Variants in SOX6 observed in about 807,000 individuals in gnomAD.
SOX6 encodes the protein transcription factor SOX-6.
A neutral mutation model predicts 97.8 loss-of-function variants in SOX6; 11 were observed. The ratio of observed to expected loss-of-function variants is 0.11; its 90% confidence interval spans 0.07 to 0.19. SOX6 has a LOEUF of 0.19. Ranked by LOEUF, SOX6 falls within the 10% of genes least tolerant of loss-of-function variation. The pLI is 1.00. For synonymous variants in SOX6, 360 were observed against 371.4 expected, an observed-to-expected ratio of 0.97 and a Z score of 0.35; for missense variants, 810 against 1,039.5, an observed-to-expected ratio of 0.78 and a Z score of 3.04.
chr11:16,545,348 A>G (rs1450292148), intron 4 of SOX6, among the ~76,000 whole-genome samples: 1 of 151,278 alleles, frequency 6.6e-6, no homozygotes, highest in Non-Finnish European at 1.5e-5. Context: ...CAAGCCCAAA[A>G]AAAAAAAAAA....
At chr11:16,430,788 C>T (rs554550589) in intron 1 of SOX6, among the ~76,000 whole-genome samples, 6 of 152,184 alleles carry the variant, frequency 3.9e-5, no homozygotes, top group Non-Finnish European at 7.4e-5. Flanking sequence ...AGTCTCCCTG[C>T]TATAGTCTAT....
intron 3 of SOX6, among the ~76,000 whole-genome samples, chr11:16,649,121 T>C (rs1849055671): frequency 6.6e-6 from 1 of 152,146 alleles, no homozygotes. Context: ...TTTGGGATTA[T>C]CTTAAATGAC....
chr11:16,018,553 C>T (rs1341995120), intron 12 of SOX6, among the ~76,000 whole-genome samples: 2 of 151,966 alleles, frequency 1.3e-5, no homozygotes, highest in African/African-American at 2.4e-5. Flanking sequence ...CTTTTCTTTG[C>T]ACTTAGATAA....
intron 15 of SOX6, among the ~76,000 whole-genome samples, chr11:15,975,423 G>T (rs1404694631): frequency 3.9e-5 from 6 of 152,122 alleles, no homozygotes; most frequent in Non-Finnish European, 5.9e-5. Flanking sequence ...CCATTTTACA[G>T]ATTTCCCAAT....
intron 3 of SOX6, among the ~76,000 whole-genome samples, chr11:16,241,675 A>C (rs1274261271): frequency 6.6e-6 from 1 of 151,898 alleles, no homozygotes. Flanking sequence ...CCCTTGCCAC[A>C]CAAAGACAAA....
chr11:16,311,326 G>A (rs1232507806), intron 3 of SOX6: 2 of 152,086 alleles, frequency 1.3e-5, no homozygotes, highest in Admixed American at 6.6e-5. Context: ...AATTACAGAA[G>A]CTAAATATTG....
intron 12 of SOX6, among the ~76,000 whole-genome samples, chr11:16,044,011 C>T (rs1165212543): frequency 2.6e-5 from 4 of 152,106 alleles, no homozygotes; most frequent in Non-Finnish European, 5.9e-5. Flanking sequence ...TGAGACTGCA[C>T]CAGAGTACAA....
chr11:16,580,864 A>G (rs1380446531), intron 4 of SOX6, among the ~76,000 whole-genome samples: 1 of 152,246 alleles, frequency 6.6e-6, no homozygotes. Context: ...GTCACTGATC[A>G]TTAGAGAAAT....
At chr11:16,548,862 T>A (rs1253826060) in intron 4 of SOX6, among the ~76,000 whole-genome samples, 3 of 152,112 alleles carry the variant, frequency 2.0e-5, no homozygotes, top group African/African-American at 7.2e-5. Flanking sequence ...TAAATTTATT[T>A]TGTATGTGAG....
At chr11:16,473,309 T>G (rs1034304687) in intron 1 of SOX6, among the ~76,000 whole-genome samples, 2 of 152,210 alleles carry the variant, frequency 1.3e-5, no homozygotes, top group African/African-American at 2.4e-5. Flanking sequence ...GGTTTCCCAG[T>G]GCATATAAGT....
intron 4 of SOX6, among the ~76,000 whole-genome samples, chr11:16,601,563 A>G (rs534583411): frequency 1.2e-4 from 19 of 152,332 alleles, no homozygotes; most frequent in African/African-American, 3.6e-4. Flanking sequence ...GCTTTCAAAC[A>G]TGGAAAGAGA....
chr11:16,451,466 C>T (rs76065236), intron 1 of SOX6, among the ~76,000 whole-genome samples: 3,742 of 152,166 alleles, frequency 0.025, 135 homozygotes, highest in African/African-American at 0.078. Flanking sequence ...AGAGCACATG[C>T]TAGTAAACAC....
intron 1 of SOX6, among the ~76,000 whole-genome samples, chr11:16,435,205 A>G (rs1859352422): frequency 6.6e-6 from 1 of 152,194 alleles, no homozygotes; most frequent in Non-Finnish European, 1.5e-5. Flanking sequence ...ATGTATATTT[A>G]TTTCTGTGTT....
chr11:16,179,997 T>C (rs1243116389), intron 6 of SOX6, among the ~76,000 whole-genome samples: 11 of 151,760 alleles, frequency 7.2e-5, no homozygotes, highest in Non-Finnish European at 1.6e-4. Flanking sequence ...CAAAATTCCA[T>C]CGTTAAATGT....
chr11:16,101,053 T>C (rs1033086910), intron 7 of SOX6, among the ~76,000 whole-genome samples: 3 of 151,720 alleles, frequency 2.0e-5, no homozygotes, highest in Admixed American at 6.6e-5. Flanking sequence ...GCCAGCATCA[T>C]AAAATGATAA....
At chr11:16,509,500 C>T (rs552527967) in intron 4 of SOX6, among the ~76,000 whole-genome samples, 1 of 151,984 alleles carries the variant, frequency 6.6e-6, no homozygotes, top group East Asian at 1.9e-4. Context: ...ATGGAAACAC[C>T]TTTAATATAA....
chr11:16,615,735 ATATC>A (rs1848464054), intron 3 of SOX6, among the ~76,000 whole-genome samples: 1 of 152,224 alleles, frequency 6.6e-6, no homozygotes, highest in South Asian at 2.1e-4. Flanking sequence ...ATCTGAAAAT[ATATC>A]TATTTATTAA....
intron 9 of SOX6, among the ~76,000 whole-genome samples, chr11:16,079,110 A>C (rs1014325779): frequency 3.3e-5 from 5 of 152,160 alleles, no homozygotes; most frequent in Non-Finnish European, 5.9e-5. Context: ...GAATCTGGAG[A>C]TATGCCAGGG....
chr11:16,148,916 G>A (rs1034657634), intron 6 of SOX6, among the ~76,000 whole-genome samples: 7 of 152,060 alleles, frequency 4.6e-5, no homozygotes, highest in African/African-American at 1.7e-4. Flanking sequence ...GATTTTAACT[G>A]CAGCAATAAT....
Sources: gnomAD v4.1 joint callset for allele counts (sites outside exome capture counted in the v4.1 genomes callset) on GRCh38, gnomAD v4.1.1 for gene constraint, MANE v1.5 for transcripts, NCBI Gene and HGNC (gene_info 2026-07-23, HGNC 2026-07-21) for gene names.